The following PCDH10 variants were observed in gnomAD, a reference collection of about 807,000 sequenced individuals.
The protein encoded by PCDH10 is protocadherin 10.
PCDH10 carries 15 observed loss-of-function variants against 74.4 expected under a neutral mutation model. That is an observed-to-expected ratio of 0.20 (90% CI 0.13 to 0.31). The LOEUF is 0.31. Ranked by LOEUF, PCDH10 falls within the 10% of genes least tolerant of loss-of-function variation. The pLI is 1.00. For synonymous variants in PCDH10, 619 were observed against 589.8 expected (o/e 1.05, Z -0.72); for missense variants, 1,260 against 1,390.2 (o/e 0.91, Z 1.49).
At chr4:133,162,872 G>A (rs1726997837) in intron 3 of PCDH10, 105 bp from the exon 4 acceptor site, 1 of 941,044 alleles carries the variant, frequency 1.1e-6, no homozygotes, top group African/African-American at 1.6e-5. Flanking sequence ...AATTTGTTAA[G>A]ACAACTTCAC....
At chr4:133,198,814 T>C (rs1258285901), downstream of PCDH10, among the ~76,000 whole-genome samples, 2 of 152,186 alleles carry the variant, frequency 1.3e-5, no homozygotes, top group Non-Finnish European at 1.5e-5. Flanking sequence ...AAATCAGTTA[T>C]TTGGAGTGAA....
At position 133,190,445 on chromosome 4, in the gene PCDH10, A is replaced by T. The variant is rs1727637020; in HGVS notation, c.*285A>T. 2.4e-6 allele frequency: 1 copy of T among 411,946 alleles called. No individual in the cohort carries two copies. Among genetic ancestry groups the T allele is most frequent in the South Asian group, 6.0e-5 (1 of 16,646 alleles). The allele number at this position is 411,946 out of a possible 1,614,324, so 25.5% of individuals were successfully genotyped here. A position where few individuals can be genotyped will look rare whatever the true frequency, so the allele number is the denominator to read the frequency against. ...GCACTATCTATCTTTCTCTCTCCAA[A>T]TGTCACTGAGCCCTTTAGATGTTTA... On this transcript the variant is annotated 3_prime_UTR_variant, in exon 5 of 5. Coordinates refer to ENST00000264360, the MANE Select transcript of PCDH10 (RefSeq NM_032961.3).
intron 2 of PCDH10, among the ~76,000 whole-genome samples, chr4:133,207,428 C>A (rs1404489028): frequency 1.3e-5 from 2 of 152,174 alleles, no homozygotes; most frequent in African/African-American, 2.4e-5. Context: ...GCAATTGACA[C>A]CTGAGTGTTA....
Position 133,152,621 on chromosome 4 carries a change from T to C in PCDH10, c.2481T>C (p.Pro827=), listed in dbSNP as rs1726757346. 2 of 1,614,036 alleles carry C rather than the reference T, an allele frequency of 1.2e-6. No individual in the cohort carries two copies. Among genetic ancestry groups the C allele is most frequent in the Admixed American group, 1.7e-5 (1 of 60,002 alleles). Reference sequence around the variant, plus strand: ...ACTGCTATCAGGTATGCCTGACCCCTGAGTCCGCCAAGACCGACCTGATGT... The same window carrying C: ...ACTGCTATCAGGTATGCCTGACCCCCGAGTCCGCCAAGACCGACCTGATGT... ...QNYCYQVCLT[P]ESAKTDLMFL... The change falls in exon 1 of 5, where the codon CCT becomes CCC. Residue 827 remains proline, a synonymous_variant. Transcript: ENST00000264360.
Position 133,154,806 on chromosome 4 carries a change from C to A in PCDH10, c.2691-111C>A, listed in dbSNP as rs565901867. On this transcript the variant is annotated intron_variant, in intron 2 of 4. Coordinates refer to ENST00000264360, the MANE Select transcript of PCDH10 (RefSeq NM_032961.3). ...TAGCTTTATGCAGAAACAAAGCCAACTAAGAGGTCTGTGAGTCTGCAGCAC... is the reference window on the plus strand; with the variant it reads ...TAGCTTTATGCAGAAACAAAGCCAAATAAGAGGTCTGTGAGTCTGCAGCAC... The A allele has an allele frequency of 8.4e-5, 61 of 724,546 alleles. No homozygotes were observed. In the African/African-American group the frequency reaches 1.0e-3, roughly 12 times the overall value. 44.9% of individuals were successfully genotyped at this position (724,546 alleles called of 1,614,324 possible).
chr4:133,200,277 T>G (rs1727878443), intron 2 of PCDH10, among the ~76,000 whole-genome samples: 2 of 152,018 alleles, frequency 1.3e-5, no homozygotes, highest in South Asian at 4.1e-4. Flanking sequence ...AAAGTTTTTT[T>G]GTATATATAA....
At position 133,152,159 on chromosome 4, in the gene PCDH10, C is replaced by T. The variant is rs1236295704; in HGVS notation, c.2019C>T (p.Thr673=). 7 of 1,568,190 alleles carry T rather than the reference C, an allele frequency of 4.5e-6. No homozygotes were observed. The Admixed American group carries it at 1.1e-4, about 24-fold the overall frequency. Residue 673 remains threonine, a synonymous_variant, in exon 1 of 5, where the codon ACC becomes ACT. Coordinates refer to ENST00000264360, the MANE Select transcript of PCDH10 (RefSeq NM_032961.3). ...AGCCGCCCCTTTCCTCCACCGCCAC[C>T]CTGGTGGTTCAGCTGGTGGATGGCG... ...HGQPPLSSTA[T]LVVQLVDGAV...
At chr4:133,168,295 A>AT (rs570090114) in intron 4 of PCDH10, among the ~76,000 whole-genome samples, 19 of 148,920 alleles carry the variant, frequency 1.3e-4, no homozygotes, top group South Asian at 2.1e-4. Flanking sequence ...TCTGTAAGCA[A>AT]TTTTTTTTTT....
chr4:133,203,125 C>T (rs1727937145), intron 2 of PCDH10, among the ~76,000 whole-genome samples: 1 of 151,954 alleles, frequency 6.6e-6, no homozygotes, highest in Admixed American at 6.5e-5. Flanking sequence ...CAGAAAAGCC[C>T]AGTATGTGGC....
At chr4:133,161,550 G>A (rs1004783589) in intron 3 of PCDH10, among the ~76,000 whole-genome samples, 3 of 151,814 alleles carry the variant, frequency 2.0e-5, no homozygotes, top group African/African-American at 7.3e-5. Context: ...ACTTGCTCAA[G>A]AGCTCAAATC....
chr4:133,206,587 A>T (rs547166215), intron 2 of PCDH10, among the ~76,000 whole-genome samples: 2 of 152,330 alleles, frequency 1.3e-5, no homozygotes, highest in South Asian at 4.1e-4. Context: ...TTTTGCAGTT[A>T]CTATGTCAAT....
chr4:133,181,648 GT>G (rs1388290478), intron 4 of PCDH10, among the ~76,000 whole-genome samples: 2 of 148,548 alleles, frequency 1.3e-5, no homozygotes, highest in Admixed American at 6.7e-5. Context: ...TTAGTGCAGG[GT>G]TGTTTTTTCT....
chr4:133,161,978 T>C (rs1726979616), intron 3 of PCDH10, among the ~76,000 whole-genome samples: 1 of 152,120 alleles, frequency 6.6e-6, no homozygotes, highest in Admixed American at 6.5e-5. Context: ...TAATATCAAA[T>C]AGTATTCTGT....
intron 2 of PCDH10, among the ~76,000 whole-genome samples, chr4:133,203,029 G>A (rs1727934801): frequency 6.6e-6 from 1 of 152,116 alleles, no homozygotes; most frequent in Non-Finnish European, 1.5e-5. Flanking sequence ...CAGAGCTTAT[G>A]GAATGCTGAT....
At chr4:133,165,659 G>T (rs531940675) in intron 4 of PCDH10, among the ~76,000 whole-genome samples, 1 of 151,772 alleles carries the variant, frequency 6.6e-6, no homozygotes, top group African/African-American at 2.4e-5. Context: ...GTTTCATAAT[G>T]AATATAATGT....
rs746337410 is a variant in PCDH10, at chr4:133,163,159, C to A, written c.2980C>A (p.Pro994Thr). 2 of 1,614,124 alleles carry A rather than the reference C, an allele frequency of 1.2e-6. No individual in the cohort carries two copies. The highest frequency in any genetic ancestry group is 2.2e-5 in the South Asian group (2 of 91,078). ...TEVFETPEAQ[P>T]GAERSFSTFG... ...GGTGTTTGAAACTCCAGAAGCCCAGCCTGGGGCAGAGCGGTCCTTTTCCAC... is the reference window on the plus strand; with the variant it reads ...GGTGTTTGAAACTCCAGAAGCCCAGACTGGGGCAGAGCGGTCCTTTTCCAC... Residue 994 changes from proline to threonine, a missense_variant, in exon 4 of 5, where the codon CCT (proline) becomes ACT (threonine). Physicochemically the swap from Pro to Thr is conservative, Grantham distance 38 (BLOSUM62 -1). This residue lies in a region of PCDH10 where 136 missense variants were observed against 149.3 expected (regional missense o/e 0.91). Transcript: ENST00000264360.
Position 133,152,300 on chromosome 4 carries a change from C to G in PCDH10, c.2160C>G (p.Ile720Met). 1 of 1,614,170 alleles carries G rather than the reference C, an allele frequency of 6.2e-7. No individual in the cohort carries two copies. Among genetic ancestry groups the G allele is most frequent in the Non-Finnish European group, 8.5e-7 (1 of 1,180,040 alleles). ...TSLDLTLILI[I>M]ALGSVSFIFL... ...TAGACCTCACCCTCATCCTCATCATCGCGTTGGGCTCGGTGTCCTTCATCT... is the reference window on the plus strand; with the variant it reads ...TAGACCTCACCCTCATCCTCATCATGGCGTTGGGCTCGGTGTCCTTCATCT... The change falls in exon 1 of 5, where the codon ATC becomes ATG. Residue 720 changes from isoleucine (I) to methionine (M), a missense_variant. Around this residue, in one of 11 missense-constraint regions of PCDH10, gnomAD observed 587 missense variants for 616.9 expected, o/e 0.95. Coordinates refer to ENST00000264360, the MANE Select transcript of PCDH10 (RefSeq NM_032961.3).
At chr4:133,182,901 G>A (rs897532350) in intron 4 of PCDH10, among the ~76,000 whole-genome samples, 3 of 152,058 alleles carry the variant, frequency 2.0e-5, no homozygotes, top group Admixed American at 6.6e-5. Flanking sequence ...GTTGAAGAAC[G>A]TTTTACAAAA....
At chr4:133,207,242 A>G (rs1434617333) in intron 2 of PCDH10, among the ~76,000 whole-genome samples, 5 of 152,026 alleles carry the variant, frequency 3.3e-5, no homozygotes, top group African/African-American at 4.8e-5. Flanking sequence ...ATAAAACTCA[A>G]TATCCCTTTT....
Sources: allele counts gnomAD v4.1 joint callset (sites outside exome capture counted in the v4.1 genomes callset), GRCh38; gene constraint gnomAD v4.1.1; regional missense constraint gnomAD v4.1.1; transcripts MANE v1.5; gene names NCBI Gene and HGNC (gene_info 2026-07-23, HGNC 2026-07-21).